Variants in DLGAP4 observed in about 807,000 individuals in gnomAD.
DLGAP4 encodes disks large-associated protein 4.
In DLGAP4, 18 loss-of-function variants were observed where a neutral mutation model predicts 86.9. The observed-to-expected ratio is 0.21, with a 90% CI of 0.14 to 0.31. The LOEUF (loss-of-function observed/expected upper bound fraction) is 0.31. DLGAP4 is among the 10% of genes least tolerant of loss of function. DLGAP4 has a pLI of 1.00. For synonymous variants in DLGAP4, 548 were observed against 574.3 expected, an observed-to-expected ratio of 0.95 and a Z score of 0.65; for missense variants, 1,085 against 1,362.6, an observed-to-expected ratio of 0.80 and a Z score of 3.21.
In DLGAP4 at chr20:36,450,114, T is replaced by C. The variant is rs184569462; in HGVS notation, c.1648+3177T>C. On this transcript the variant is annotated intron_variant, in intron 7 of 12. Transcript: ENST00000339266. ...GGCAACACAAGTCATATGACTGAGC[T>C]CATAGACAAGGGATGGAGAAGTATC... is the stretch of plus-strand genomic sequence containing the variant. 3.7e-3 allele frequency among the ~76,000 whole-genome samples: 556 copies of C among 152,284 alleles called. 5 individuals carry two copies. The highest frequency in any genetic ancestry group is 4.2e-3 in the Non-Finnish European group (284 of 68,032).
chr20:36,460,223 T>C (rs1157899006), intron 7 of DLGAP4, among the ~76,000 whole-genome samples: 1 of 151,750 alleles, frequency 6.6e-6, no homozygotes, highest in Non-Finnish European at 1.5e-5. Flanking sequence ...CTCAACACTT[T>C]GGGAGGCCGA....
At position 36,527,206 on chromosome 20, in the gene DLGAP4, C is replaced by A; in HGVS notation, c.*175C>A. ...TTTGGCTTTTTTGGGTCCCTCCCAG[C>A]TTTAGGTTATGAAGATTTTACTCAC... On this transcript the variant is annotated 3_prime_UTR_variant, in exon 13 of 13. Transcript: ENST00000339266. 1.9e-6 allele frequency: 1 copy of A among 536,848 alleles called. No individual in the cohort carries two copies. Among genetic ancestry groups the A allele is most frequent in the Non-Finnish European group, 3.2e-6 (1 of 316,182 alleles). 33.3% of individuals were successfully genotyped at this position (536,848 alleles called of 1,614,324 possible). A position where few individuals can be genotyped will look rare whatever the true frequency, so the allele number is the denominator to read the frequency against.
intron 4 of DLGAP4, among the ~76,000 whole-genome samples, chr20:36,437,117 T>C (rs2033309556): frequency 6.6e-6 from 1 of 152,184 alleles, no homozygotes; most frequent in Non-Finnish European, 1.5e-5. Flanking sequence ...ACTACTATAA[T>C]GATCCAGGCC....
chr20:36,416,322 A>G (rs1014927531), intron 2 of DLGAP4, among the ~76,000 whole-genome samples: 2 of 152,202 alleles, frequency 1.3e-5, no homozygotes, highest in Non-Finnish European at 2.9e-5. Flanking sequence ...GGGTTTCACC[A>G]TGTTGGCTAG....
At chr20:36,396,417 A>ACACCCGCACAC (rs2031973781) in intron 2 of DLGAP4, among the ~76,000 whole-genome samples, 1 of 45,288 alleles carries the variant, frequency 2.2e-5, no homozygotes, top group African/African-American at 7.2e-5. Flanking sequence ...ACATACACAC[A>ACACCCGCACAC]CACACACCAC....
At chr20:36,347,357 C>G (rs1186152581) in intron 1 of DLGAP4, among the ~76,000 whole-genome samples, 1 of 151,978 alleles carries the variant, frequency 6.6e-6, no homozygotes, top group Non-Finnish European at 1.5e-5. Context: ...GTGGAAGGGG[C>G]AGAGAGAGAG....
intron 7 of DLGAP4, among the ~76,000 whole-genome samples, chr20:36,450,718 A>T (rs1210526695): frequency 6.6e-6 from 1 of 152,122 alleles, no homozygotes; most frequent in African/African-American, 2.4e-5. Flanking sequence ...CTACTTATCT[A>T]CCCTACAGTC....
chr20:36,454,258 C>CAAA (rs11436010), intron 7 of DLGAP4, among the ~76,000 whole-genome samples: 2 of 136,000 alleles, frequency 1.5e-5, no homozygotes, highest in Non-Finnish European at 1.6e-5. Flanking sequence ...GACTCTGTCT[C>CAAA]AAAAAAAAAA....
intron 3 of DLGAP4, among the ~76,000 whole-genome samples, chr20:36,433,300 C>T (rs1015028396): frequency 2.0e-5 from 3 of 152,234 alleles, no homozygotes; most frequent in Admixed American, 6.5e-5. Context: ...TGGGGATCAG[C>T]ACCAAGAGTT....
intron 7 of DLGAP4, among the ~76,000 whole-genome samples, chr20:36,458,648 G>C (rs935584985): frequency 1.8e-4 from 27 of 151,956 alleles, no homozygotes; most frequent in Admixed American, 1.4e-3. Context: ...GCAGTGAGCC[G>C]AGATTGCGCC....
intron 7 of DLGAP4, among the ~76,000 whole-genome samples, chr20:36,475,242 C>T (rs889437334): frequency 3.3e-5 from 5 of 152,038 alleles, no homozygotes; most frequent in Admixed American, 1.3e-4. Context: ...GATGGAGTCC[C>T]GCTCTGTCAC....
rs1242803823 is a variant in DLGAP4, at chr20:36,528,196, C to T, written c.*1165C>T. Reference sequence around the variant, plus strand: ...CCCGCACTCCTAAGGGCCCATCTGCCCAGCCTCTGAGTTTTCTGTTCTATT... The same window carrying T: ...CCCGCACTCCTAAGGGCCCATCTGCTCAGCCTCTGAGTTTTCTGTTCTATT... On this transcript the variant is annotated 3_prime_UTR_variant, in exon 13 of 13. Coordinates refer to ENST00000339266, the MANE Select transcript of DLGAP4 (RefSeq NM_001365621.2). 4 of 151,864 alleles carry T rather than the reference C, an allele frequency of 2.6e-5. No individual in the cohort carries two copies. The highest frequency in any genetic ancestry group is 3.9e-4 in the East Asian group (2 of 5,168). The allele number at this position is 151,864 out of a possible 1,614,324, so 9.4% of individuals were successfully genotyped here.
chr20:36,388,558 G>A (rs973063815), intron 2 of DLGAP4, among the ~76,000 whole-genome samples: 3 of 152,128 alleles, frequency 2.0e-5, no homozygotes, highest in Admixed American at 6.5e-5. Context: ...CAAAGACTTG[G>A]CTTAGTGGCA....
intron 10 of DLGAP4, among the ~76,000 whole-genome samples, chr20:36,523,851 C>T (rs769206538): frequency 2.0e-5 from 3 of 152,060 alleles, no homozygotes; most frequent in East Asian, 3.9e-4. Flanking sequence ...TTTGTAGAGA[C>T]GGGATTTCAT....
At chr20:36,336,655 G>T (rs2147367539) in intron 1 of DLGAP4, among the ~76,000 whole-genome samples, 1 of 152,288 alleles carries the variant, frequency 6.6e-6, no homozygotes, top group East Asian at 1.9e-4. Flanking sequence ...GGACTAAGGG[G>T]ACAATGGGGG....
chr20:36,446,341 C>T (rs1451183963), intron 6 of DLGAP4, among the ~76,000 whole-genome samples: 1 of 152,196 alleles, frequency 6.6e-6, no homozygotes, highest in Non-Finnish European at 1.5e-5. Context: ...ACCCCCATTC[C>T]AACATTCAGG....
At chr20:36,448,740 C>G (rs1482589591) in intron 7 of DLGAP4, among the ~76,000 whole-genome samples, 1 of 152,146 alleles carries the variant, frequency 6.6e-6, no homozygotes, top group Non-Finnish European at 1.5e-5. Flanking sequence ...TCGAGACCAG[C>G]CTGGCCAACA....
At chr20:36,392,988 C>T (rs1379510248) in intron 2 of DLGAP4, among the ~76,000 whole-genome samples, 2 of 151,964 alleles carry the variant, frequency 1.3e-5, no homozygotes, top group East Asian at 3.9e-4. Context: ...GAGGGAACAG[C>T]CAGTACGCCC....
chr20:36,496,575 C>T (rs1381428004), intron 7 of DLGAP4, 130 bp from the exon 8 acceptor site: 3 of 1,413,378 alleles, frequency 2.1e-6, no homozygotes, highest in East Asian at 2.4e-5. Context: ...TCCAGAAATC[C>T]TTGCGGACGG....
Sources: gnomAD v4.1 joint callset for allele counts (sites outside exome capture counted in the v4.1 genomes callset) on GRCh38, gnomAD v4.1.1 for gene constraint, MANE v1.5 for transcripts, NCBI Gene and HGNC (gene_info 2026-07-23, HGNC 2026-07-21) for gene names.